The following GSDMC variants were observed in gnomAD, a reference collection of about 807,000 sequenced individuals.
GSDMC encodes the protein gasdermin-C.
Under a neutral mutation model 58.0 loss-of-function variants are expected in GSDMC, and 59 were observed. The ratio of observed to expected loss-of-function variants is 1.02; its 90% CI spans 0.82 to 1.26. GSDMC has a LOEUF of 1.26. GSDMC is among the 50% of genes most tolerant of loss of function. The pLI, the probability that GSDMC is intolerant of heterozygous loss-of-function variation, is 0.00. For missense variants in GSDMC, 659 were observed against 598.5 expected (o/e 1.10, Z -1.06); for synonymous variants, 241 against 220.2 (o/e 1.09, Z -0.83).
intron 1 of GSDMC, among the ~76,000 whole-genome samples, chr8:129,785,206 C>T (rs138968634): frequency 0.014 from 2,171 of 151,370 alleles, 61 homozygotes; most frequent in African/African-American, 0.049. Context: ...AGCAAAACTC[C>T]GTGTCAAAAA....
At chr8:129,709,341 C>G in the GSDMC span, among the ~76,000 whole-genome samples, 1 of 152,206 alleles carries the variant, frequency 6.6e-6, no homozygotes, top group South Asian at 2.1e-4. Flanking sequence ...CAGCACAAAT[C>G]CTGACACATC....
the GSDMC span, among the ~76,000 whole-genome samples, chr8:129,715,065 A>T: frequency 1.3e-5 from 2 of 152,192 alleles, no homozygotes; most frequent in South Asian, 4.1e-4. Context: ...AACTCTAAAT[A>T]GAATGTGAAC....
chr8:129,736,581 T>C, the GSDMC span, among the ~76,000 whole-genome samples: 1 of 152,190 alleles, frequency 6.6e-6, no homozygotes, highest in South Asian at 2.1e-4. Flanking sequence ...TTCGACAAAA[T>C]TCAACAGCCC....
At chr8:129,774,019 T>G (rs2034142619) in intron 3 of GSDMC, among the ~76,000 whole-genome samples, 1 of 152,096 alleles carries the variant, frequency 6.6e-6, no homozygotes. Context: ...GCAATTCTTA[T>G]CAAAATGCCA....
intron 3 of GSDMC, among the ~76,000 whole-genome samples, chr8:129,767,498 C>T (rs971755653): frequency 1.3e-5 from 2 of 152,136 alleles, no homozygotes; most frequent in East Asian, 1.9e-4. Flanking sequence ...AAGAACCCAA[C>T]ACAGCCTTGA....
chr8:129,774,271 G>A (rs2034151966), intron 3 of GSDMC, among the ~76,000 whole-genome samples: 1 of 152,112 alleles, frequency 6.6e-6, no homozygotes, highest in Non-Finnish European at 1.5e-5. Flanking sequence ...ACTAATATCT[G>A]ACAAGCGTGA....
intron 2 of GSDMC, among the ~76,000 whole-genome samples, chr8:129,777,149 C>A (rs976191245): frequency 6.6e-6 from 1 of 152,188 alleles, no homozygotes; most frequent in African/African-American, 2.4e-5. Flanking sequence ...ATCCTCACCT[C>A]ATGAGCCTGA....
intron 3 of GSDMC, among the ~76,000 whole-genome samples, chr8:129,775,284 G>T (rs4733740): frequency 0.017 from 2,591 of 152,262 alleles, 43 homozygotes; most frequent in Non-Finnish European, 0.027. Context: ...AACCTTGATG[G>T]CATTATGCTA....
chr8:129,752,035 G>A, intron 8 of GSDMC, 71 bp downstream of exon 8: 1 of 1,474,122 alleles, frequency 6.8e-7, no homozygotes, highest in Non-Finnish European at 9.5e-7. Context: ...TTGGGTAATA[G>A]CACCAAAGGC....
intron 5 of GSDMC, among the ~76,000 whole-genome samples, chr8:129,761,036 G>A (rs2033639677): frequency 6.6e-6 from 1 of 152,108 alleles, no homozygotes; most frequent in African/African-American, 2.4e-5. Flanking sequence ...AGTTGTATAA[G>A]GGTTGAAAAG....
the GSDMC span, among the ~76,000 whole-genome samples, chr8:129,725,658 G>T: frequency 2.0e-5 from 3 of 152,110 alleles, no homozygotes; most frequent in Non-Finnish European, 4.4e-5. Flanking sequence ...TATTACTATT[G>T]CTGTTAGTTC....
intron 12 of GSDMC, 35 bp downstream of exon 12, chr8:129,749,955 G>A (rs2130325521): frequency 6.5e-7 from 1 of 1,548,598 alleles, no homozygotes; most frequent in Non-Finnish European, 8.7e-7. Context: ...GACCAATCTT[G>A]TGATTCTCCC....
intron 13 of GSDMC, 43 bp from the exon 14 acceptor site, chr8:129,748,783 T>A (rs758381625): frequency 1.4e-6 from 2 of 1,463,230 alleles, no homozygotes; most frequent in Admixed American, 5.2e-5. Context: ...GCCTTTAAGA[T>A]GAGGAAGAGA....
In GSDMC at chr8:129,748,455, T is replaced by G. The variant is rs1210200185; in HGVS notation, c.*46A>C. ...CCATAAGGACACTCACAGCATAGACTGGGCGAGGGCCAGCATCTCTGGACT... is the reference window on the plus strand; with the variant it reads ...CCATAAGGACACTCACAGCATAGACGGGGCGAGGGCCAGCATCTCTGGACT... On this transcript the variant is annotated 3_prime_UTR_variant, in exon 14 of 14. Transcript: ENST00000276708. 6.4e-7 allele frequency: 1 copy of G among 1,551,244 alleles called. No individual in the cohort carries two copies. Among genetic ancestry groups the G allele is most frequent in the African/African-American group, 1.4e-5 (1 of 72,814 alleles).
At chr8:129,715,074 A>G in the GSDMC span, among the ~76,000 whole-genome samples, 1 of 152,172 alleles carries the variant, frequency 6.6e-6, no homozygotes, top group Non-Finnish European at 1.5e-5. Context: ...TAGAATGTGA[A>G]CATTTAGGTG....
the GSDMC span, among the ~76,000 whole-genome samples, chr8:129,712,570 G>A: frequency 1.3e-5 from 2 of 151,928 alleles, no homozygotes; most frequent in East Asian, 3.9e-4. Flanking sequence ...CGAATCATTG[G>A]GCTGCAGCTC....
the GSDMC span, among the ~76,000 whole-genome samples, chr8:129,713,449 T>G: frequency 1.2e-4 from 19 of 152,028 alleles, no homozygotes. Flanking sequence ...ACCTCCAGAG[T>G]GCAGAAGACA....
At chr8:129,728,048 C>T in the GSDMC span, among the ~76,000 whole-genome samples, 1 of 152,062 alleles carries the variant, frequency 6.6e-6, no homozygotes, top group East Asian at 1.9e-4. Context: ...CACACTTGGC[C>T]GGGACCAGCA....
In GSDMC at chr8:129,777,434, G is replaced by T; in HGVS notation, c.154C>A (p.Gln52Lys). The T allele has an allele frequency of 6.2e-7, 1 of 1,613,824 alleles. No individual in the cohort carries two copies. The highest frequency in any genetic ancestry group is 8.5e-7 in the Non-Finnish European group (1 of 1,179,726). Residue 52 changes from glutamine (Q) to lysine (K), a missense_variant, in exon 2 of 14, where the codon CAA (glutamine) becomes AAA (lysine). Transcript: ENST00000276708. ...AATTCAACTGGAACATAGTCAGATT[G>T]TTCCCAAAATGATGAACGAGAATCC... is the stretch of plus-strand genomic sequence containing the variant. ...KKDSRSSFWE[Q>K]SDYVPVEFSL...
Sources: allele counts gnomAD v4.1 joint callset (sites outside exome capture counted in the v4.1 genomes callset), GRCh38; gene constraint gnomAD v4.1.1; transcripts MANE v1.5; gene names NCBI Gene and HGNC (gene_info 2026-07-23, HGNC 2026-07-21).